The following ASTN2 variants were observed in gnomAD, a reference collection of about 807,000 sequenced individuals.
The protein encoded by ASTN2 is astrotactin-2.
In ASTN2, 54 loss-of-function variants were observed where a neutral mutation model predicts 139.8. The observed-to-expected ratio is 0.39, with a 90% CI of 0.31 to 0.48. The LOEUF (loss-of-function observed/expected upper bound fraction) is 0.48. Ranked by LOEUF, ASTN2 falls within the 20% of genes least tolerant of loss-of-function variation. The pLI is 0.95. For missense variants in ASTN2, 1,565 were observed against 1,725.1 expected, an observed-to-expected ratio of 0.91 and a Z score of 1.64; for synonymous variants, 756 against 719.5, an observed-to-expected ratio of 1.05 and a Z score of -0.81.
intron 4 of ASTN2, among the ~76,000 whole-genome samples, chr9:117,116,415 G>C (rs1317174534): frequency 6.6e-6 from 1 of 152,124 alleles, no homozygotes; most frequent in African/African-American, 2.4e-5. Flanking sequence ...TTTGAAGCAT[G>C]ATGGAGGCAC....
intron 3 of ASTN2, among the ~76,000 whole-genome samples, chr9:117,169,411 G>A (rs1339389104): frequency 6.6e-6 from 1 of 152,106 alleles, no homozygotes; most frequent in African/African-American, 2.4e-5. Flanking sequence ...ACGTGGGCTT[G>A]GGGTTTATTT....
intron 10 of ASTN2, among the ~76,000 whole-genome samples, chr9:116,961,212 A>G (rs1835867301): frequency 6.7e-6 from 1 of 149,094 alleles, no homozygotes; most frequent in Non-Finnish European, 1.5e-5. Context: ...ATTTTGGTAA[A>G]ATACACACAA....
At chr9:117,026,583 C>G (rs955909616) in intron 6 of ASTN2, among the ~76,000 whole-genome samples, 6 of 152,092 alleles carry the variant, frequency 3.9e-5, no homozygotes, top group African/African-American at 1.2e-4. Context: ...TACAGGAACT[C>G]TTTTTTCTTT....
intron 19 of ASTN2, among the ~76,000 whole-genome samples, chr9:116,551,363 T>G (rs143279863): frequency 6.6e-6 from 1 of 152,204 alleles, no homozygotes; most frequent in Non-Finnish European, 1.5e-5. Context: ...AAAATCAATG[T>G]GCATATCCCA....
chr9:117,131,789 C>T (rs924143659), intron 4 of ASTN2, among the ~76,000 whole-genome samples: 4 of 152,100 alleles, frequency 2.6e-5, no homozygotes, highest in African/African-American at 9.7e-5. Flanking sequence ...CAATGTATAC[C>T]TTACATATAT....
intron 16 of ASTN2, among the ~76,000 whole-genome samples, chr9:116,710,656 C>A (rs1246992305): frequency 2.7e-5 from 4 of 147,266 alleles, no homozygotes; most frequent in African/African-American, 1.0e-4. Context: ...TCACTCGAGC[C>A]CAGGAGGTGG....
chr9:116,670,787 G>A (rs1240147184), intron 16 of ASTN2, among the ~76,000 whole-genome samples: 1 of 152,098 alleles, frequency 6.6e-6, no homozygotes, highest in African/African-American at 2.4e-5. Context: ...GTTGAGCTGA[G>A]GTTGTTAGCA....
intron 16 of ASTN2, among the ~76,000 whole-genome samples, chr9:116,674,318 GAA>G (rs1425391012): frequency 2.0e-5 from 3 of 152,210 alleles, no homozygotes; most frequent in Non-Finnish European, 4.4e-5. Flanking sequence ...GATATTCAGT[GAA>G]AGAGAGGCTA....
intron 19 of ASTN2, among the ~76,000 whole-genome samples, chr9:116,603,812 G>A (rs1564146600): frequency 6.6e-6 from 1 of 152,156 alleles, no homozygotes; most frequent in Non-Finnish European, 1.5e-5. Flanking sequence ...TCTCTAACGG[G>A]AAGCTGCTAC....
At chr9:116,589,574 T>G (rs1854296645) in intron 19 of ASTN2, among the ~76,000 whole-genome samples, 1 of 152,156 alleles carries the variant, frequency 6.6e-6, no homozygotes, top group Non-Finnish European at 1.5e-5. Context: ...AAACAAAGAT[T>G]CTGCATGGCT....
At chr9:116,888,310 A>G (rs59682036) in intron 10 of ASTN2, among the ~76,000 whole-genome samples, 3,573 of 152,212 alleles carry the variant, frequency 0.023, 136 homozygotes, top group African/African-American at 0.081. Context: ...ATTCATGACT[A>G]CTTTGTGTAG....
At chr9:116,528,303 C>T (rs1054883440) in intron 19 of ASTN2, among the ~76,000 whole-genome samples, 3 of 152,102 alleles carry the variant, frequency 2.0e-5, no homozygotes, top group African/African-American at 7.2e-5. Context: ...AGGCATTTTT[C>T]CCCTGCCCTA....
At position 117,181,988 on chromosome 9, in the gene ASTN2, C is replaced by T. The variant is rs538129913; in HGVS notation, c.1015+32370G>A. Reference sequence around the variant, plus strand: ...CCTCCTTCCCCACCCCATGCTGCCACCTTCCAGCTGTGAAATGGTGTCCCT... The same window carrying T: ...CCTCCTTCCCCACCCCATGCTGCCATCTTCCAGCTGTGAAATGGTGTCCCT... On this transcript the variant is annotated intron_variant, in intron 3 of 22. Coordinates refer to ENST00000313400, the MANE Select transcript of ASTN2 (RefSeq NM_001365068.1). Among the ~76,000 whole-genome samples, 4 of 152,320 alleles carry T rather than the reference C, an allele frequency of 2.6e-5. No homozygotes were observed. In the East Asian group the frequency reaches 7.7e-4, roughly 29 times the overall value.
rs112467315 is a variant in ASTN2, at chr9:116,466,158, G to A, written c.3497+21201C>T. The stretch of plus-strand genomic sequence containing the variant: ...GGAAGCGGGCTTTTGAATCAAGGAC[G>A]CATAGTGGAAGAGTGATAGAGCTGG... On this transcript the variant is annotated intron_variant, in intron 20 of 22. Transcript: ENST00000313400. 9.2e-3 allele frequency among the ~76,000 whole-genome samples: 1,402 copies of A among 152,268 alleles called. 5 individuals are homozygous for A. The highest frequency in any genetic ancestry group is 0.015 in the Admixed American group (235 of 15,298).
chr9:117,315,052 A>G (rs1828101918), intron 1 of ASTN2, among the ~76,000 whole-genome samples: 1 of 150,618 alleles, frequency 6.6e-6, no homozygotes, highest in African/African-American at 2.4e-5. Context: ...AGGCATATTC[A>G]TGACAGTAAT....
At chr9:116,503,318 A>G (rs1285918521) in intron 19 of ASTN2, among the ~76,000 whole-genome samples, 3 of 151,828 alleles carry the variant, frequency 2.0e-5, no homozygotes, top group African/African-American at 7.3e-5. Context: ...TGGGAGGAGG[A>G]GGGGGGGAGA....
intron 13 of ASTN2, among the ~76,000 whole-genome samples, chr9:116,758,452 C>T (rs1280864800): frequency 6.6e-6 from 1 of 152,124 alleles, no homozygotes; most frequent in Non-Finnish European, 1.5e-5. Context: ...TCCCCTTTCC[C>T]TCTTTGGAGG....
intron 19 of ASTN2, chr9:116,550,847 T>A (rs994406383): frequency 3.3e-5 from 5 of 152,220 alleles, no homozygotes; most frequent in African/African-American, 1.2e-4. Context: ...GCTGTAAGAC[T>A]CTGCTGCCTG....
At chr9:117,274,302 A>C (rs1834133903) in intron 2 of ASTN2, among the ~76,000 whole-genome samples, 1 of 152,192 alleles carries the variant, frequency 6.6e-6, no homozygotes, top group Non-Finnish European at 1.5e-5. Flanking sequence ...GTGAGCCAAG[A>C]TCGCACCACT....
Sources: gnomAD v4.1 joint callset for allele counts (sites outside exome capture counted in the v4.1 genomes callset) on GRCh38, gnomAD v4.1.1 for gene constraint, MANE v1.5 for transcripts, NCBI Gene and HGNC (gene_info 2026-07-23, HGNC 2026-07-21) for gene names.